The following CCDC181 variants were observed in gnomAD, a reference collection of about 807,000 sequenced individuals.
CCDC181 encodes coiled-coil domain-containing protein 181.
Under a neutral mutation model 58.7 loss-of-function variants are expected in CCDC181, and 35 were observed. That is an observed-to-expected ratio of 0.60 (90% CI 0.46 to 0.79). The LOEUF is 0.79. Ranked by LOEUF, CCDC181 falls within the 30% of genes least tolerant of loss-of-function variation. The pLI is 0.00. For synonymous variants in CCDC181, 183 were observed against 197.5 expected (o/e 0.93, Z 0.62); for missense variants, 517 against 583.9 (o/e 0.89, Z 1.18).
chr1:169,454,535 A>C (rs1310589169), intron 2 of CCDC181: 1 of 152,104 alleles, frequency 6.6e-6, no homozygotes, highest in African/African-American at 2.4e-5. Context: ...GCTTCTGCTC[A>C]GCAGAAAATG....
chr1:169,394,947 C>T lies in CCDC181; in HGVS notation c.*100G>A. The T allele has an allele frequency of 9.5e-7, 1 of 1,057,162 alleles. No individual in the cohort carries two copies. The highest frequency in any genetic ancestry group is 1.3e-6 in the Non-Finnish European group (1 of 764,258). The allele number at this position is 1,057,162 out of a possible 1,614,324, so 65.5% of individuals were successfully genotyped here. ...TTCACTGTCAATAAAAGATAAATAC[C>T]ATTTCCATAATTTAGAATACAACCA... On this transcript the variant is annotated 3_prime_UTR_variant, in exon 6 of 6. Coordinates refer to ENST00000367806, the MANE Select transcript of CCDC181 (RefSeq NM_001300969.2).
chr1:169,442,125 A>G (rs1284390003), intron 2 of CCDC181, among the ~76,000 whole-genome samples: 1 of 152,138 alleles, frequency 6.6e-6, no homozygotes, highest in African/African-American at 2.4e-5. Context: ...GTTGAGTGCC[A>G]GGAATTGAGA....
intron 2 of CCDC181, among the ~76,000 whole-genome samples, chr1:169,444,203 G>A (rs186997207): frequency 6.6e-6 from 1 of 152,278 alleles, no homozygotes; most frequent in Non-Finnish European, 1.5e-5. Context: ...TTCCTCTCTT[G>A]AACCTTTAAA....
intron 2 of CCDC181, among the ~76,000 whole-genome samples, 167 bp downstream of exon 2, chr1:169,424,644 A>G (rs946778893): frequency 1.3e-5 from 2 of 152,046 alleles, no homozygotes; most frequent in Non-Finnish European, 2.9e-5. Flanking sequence ...ACATTTAAGC[A>G]ATCTACGCCT....
chr1:169,427,532 C>T (rs1411886936), upstream of CCDC181: 2 of 152,266 alleles, frequency 1.3e-5, no homozygotes, highest in Non-Finnish European at 2.9e-5. Context: ...CTCCCGGCAC[C>T]CATCCCGGTG....
At chr1:169,434,634 A>G (rs2101741813) in intron 2 of CCDC181, among the ~76,000 whole-genome samples, 1 of 152,054 alleles carries the variant, frequency 6.6e-6, no homozygotes, top group South Asian at 2.1e-4. Flanking sequence ...ATATGCTACA[A>G]TGGGATGAAC....
At chr1:169,458,694 T>G (rs1234745338) in intron 2 of CCDC181, among the ~76,000 whole-genome samples, 1 of 152,210 alleles carries the variant, frequency 6.6e-6, no homozygotes, top group Non-Finnish European at 1.5e-5. Flanking sequence ...CTTTTGTATC[T>G]AAATTTTATA....
At position 169,445,885 on chromosome 1, in the gene CCDC181, A is replaced by G. The variant is rs115542419; in HGVS notation, c.-24+13912T>C. Among the ~76,000 whole-genome samples the G allele has an allele frequency of 1.8e-3, 275 of 152,276 alleles. 1 individual carries two copies. Among genetic ancestry groups the G allele is most frequent in the African/African-American group, 6.2e-3 (256 of 41,550 alleles). On this transcript the variant is annotated intron_variant, in intron 2 of 6. Transcript: ENST00000545005. The stretch of plus-strand genomic sequence containing the variant: ...TCTAAGTTATCAAATCTGTGTGCAT[A>G]GAGCTGTTCATATTACTTCTTTATT...
intron 1 of CCDC181, 49 bp from the exon 2 acceptor site, chr1:169,424,999 G>A: frequency 1.3e-6 from 1 of 774,858 alleles, no homozygotes; most frequent in Non-Finnish European, 2.2e-6. Flanking sequence ...CTCTAGAGGA[G>A]GAATGGAGTA....
At chr1:169,427,653 C>T (rs1019632560), upstream of CCDC181, among the ~76,000 whole-genome samples, 1 of 152,232 alleles carries the variant, frequency 6.6e-6, no homozygotes, top group Admixed American at 6.5e-5. Context: ...GTGAAATTTC[C>T]CTCTTGTAGC....
intron 2 of CCDC181, among the ~76,000 whole-genome samples, chr1:169,458,056 G>A (rs1384406180): frequency 6.6e-6 from 1 of 151,834 alleles, no homozygotes; most frequent in East Asian, 1.9e-4. Flanking sequence ...TGTGGTTCTG[G>A]CTTATTCATT....
intron 3 of CCDC181, among the ~76,000 whole-genome samples, chr1:169,420,397 CTTTTTT>C (rs58922330): frequency 1.5e-5 from 2 of 133,988 alleles, no homozygotes. Context: ...TCATGTTTCA[CTTTTTT>C]TTTTTTTTTT....
At position 169,443,786 on chromosome 1, in the gene CCDC181, T is replaced by A. The variant is rs189235047; in HGVS notation, c.-24+16011A>T. Among the ~76,000 whole-genome samples, 3 of 152,316 alleles carry A rather than the reference T, an allele frequency of 2.0e-5. No homozygotes were observed. The East Asian group carries it at 5.8e-4, about 29-fold the overall frequency. On this transcript the variant is annotated intron_variant, in intron 2 of 6. Coordinates refer to the CCDC181 transcript ENST00000545005. ...ATTAGCGATAAGAATAATCATCTTC[T>A]GCTCATGTGCCGTGCTAAAGCAAAG... is the stretch of plus-strand genomic sequence containing the variant.
chr1:169,415,861 T>A (rs1008096634), intron 4 of CCDC181, among the ~76,000 whole-genome samples: 15 of 152,300 alleles, frequency 9.8e-5, no homozygotes, highest in Admixed American at 9.8e-4. Context: ...TCTATGGCCA[T>A]ATCCTCATCA....
intron 3 of CCDC181, among the ~76,000 whole-genome samples, chr1:169,420,397 C>CTTTTTTTTTTTTTTTTTTTTTTTTTT (rs58922330): frequency 7.5e-6 from 1 of 133,992 alleles, no homozygotes. Flanking sequence ...TCATGTTTCA[C>CTTTTTTTTTTTTTTTTTTTTTTTTTT]TTTTTTTTTT....
chr1:169,457,407 T>G (rs1657704840), intron 2 of CCDC181, among the ~76,000 whole-genome samples: 2 of 152,134 alleles, frequency 1.3e-5, no homozygotes, highest in Non-Finnish European at 2.9e-5. Context: ...TCTTCTTATA[T>G]TTTTTAATCT....
rs191718882 is a variant in CCDC181, at chr1:169,403,518, G to A, written c.1216-6127C>T. 1.1e-3 allele frequency among the ~76,000 whole-genome samples: 163 copies of A among 152,100 alleles called. 1 individual carries two copies. Among genetic ancestry groups the A allele is most frequent in the Middle Eastern group, 3.4e-3 (1 of 294 alleles). ...AGGCTTAAGAAACTCACTCAAAACC[G>A]CTCAACTACGTGGAAACTGAACAAC... On this transcript the variant is annotated intron_variant, in intron 4 of 5. Coordinates refer to ENST00000367806, the MANE Select transcript of CCDC181 (RefSeq NM_001300969.2).
At chr1:169,423,294 A>G (rs1656568288) in intron 2 of CCDC181, among the ~76,000 whole-genome samples, 1 of 151,962 alleles carries the variant, frequency 6.6e-6, no homozygotes, top group African/African-American at 2.4e-5. Context: ...GATTTAACTA[A>G]GAGCTCTGTA....
At chr1:169,433,824 A>C (rs1656983132) in intron 2 of CCDC181, among the ~76,000 whole-genome samples, 1 of 152,054 alleles carries the variant, frequency 6.6e-6, no homozygotes, top group Non-Finnish European at 1.5e-5. Context: ...ATGAACTCTT[A>C]TAAGGAAACA....
Sources: gnomAD v4.1 joint callset for allele counts (sites outside exome capture counted in the v4.1 genomes callset) on GRCh38, gnomAD v4.1.1 for gene constraint, MANE v1.5 for transcripts, NCBI Gene and HGNC (gene_info 2026-07-23, HGNC 2026-07-21) for gene names.